RUNX3: variants seen among roughly 807,000 people sequenced by gnomAD.
RUNX3 encodes runt-related transcription factor 3.
RUNX3 carries 10 observed loss-of-function variants against 27.7 expected under a neutral mutation model. That is an observed-to-expected ratio of 0.36 (90% CI 0.22 to 0.61). The LOEUF (loss-of-function observed/expected upper bound fraction) is 0.61. Ranked by LOEUF, RUNX3 falls within the 20% of genes least tolerant of loss-of-function variation. The pLI is 0.72. For synonymous variants in RUNX3, 270 were observed against 269.2 expected (o/e 1.00, Z -0.03); for missense variants, 469 against 629.5 (o/e 0.75, Z 2.73).
chr1:24,928,042 T>C (rs983181555), intron 1 of RUNX3, among the ~76,000 whole-genome samples: 1 of 152,264 alleles, frequency 6.6e-6, no homozygotes, highest in Non-Finnish European at 1.5e-5. Context: ...GTCACTATGA[T>C]GTGGGGTGCA....
rs188138227 is a variant in RUNX3 at position 24,923,445 on chromosome 1, G to T, written c.440-4101C>A. ...GATATAACTCTGTGCAGGAGTCCCA[G>T]GCAAACCTGCAATCCATCAGGAGCC... On this transcript the variant is annotated intron_variant, in intron 2 of 4. Coordinates refer to ENST00000308873, the MANE Select transcript of RUNX3 (RefSeq NM_004350.3). The surrounding 1 kb of genome is among the most constrained non-coding windows in gnomAD (Gnocchi z 5.9). Among the ~76,000 whole-genome samples the T allele has an allele frequency of 3.3e-5, 5 of 152,274 alleles. No individual in the cohort carries two copies. The highest frequency in any genetic ancestry group is 1.2e-4 in the African/African-American group (5 of 41,526).
rs767965314 is a variant in RUNX3 at position 24,929,434 on chromosome 1, C to T, written c.282+153G>A. 8.8e-5 allele frequency: 70 copies of T among 791,482 alleles called. 1 individual carries two copies. In the East Asian group the frequency reaches 1.7e-3, roughly 19 times the overall value. 49.0% of individuals were successfully genotyped at this position (791,482 alleles called of 1,614,324 possible). On this transcript the variant is annotated intron_variant, in intron 1 of 4. Transcript: ENST00000308873. ...AAAACGGAACGCCGAGGTCCCGGAGCCGAGCGCGCAGCCAGACTGAACCGG... is the reference window on the plus strand; with the variant it reads ...AAAACGGAACGCCGAGGTCCCGGAGTCGAGCGCGCAGCCAGACTGAACCGG...
At chr1:24,955,220 A>G (rs942725141) in intron 2 of RUNX3, among the ~76,000 whole-genome samples, 6 of 152,176 alleles carry the variant, frequency 3.9e-5, no homozygotes, top group African/African-American at 9.7e-5. Flanking sequence ...CTGTGGTTGC[A>G]TAGAGGAGGA....
At chr1:24,945,834 A>T (rs1207441221) in intron 2 of RUNX3, among the ~76,000 whole-genome samples, 1 of 152,040 alleles carries the variant, frequency 6.6e-6, no homozygotes, top group Non-Finnish European at 1.5e-5. Flanking sequence ...TCTTTGTGAG[A>T]CCATCTCTAA....
chr1:24,927,863 G>A lies in RUNX3; in HGVS notation c.283-133C>T, dbSNP rs1021554583. 8.4e-6 allele frequency: 6 copies of A among 713,342 alleles called. No homozygotes were observed. Among genetic ancestry groups the A allele is most frequent in the African/African-American group, 7.1e-5 (4 of 56,530 alleles). The allele number at this position is 713,342 out of a possible 1,614,324, so 44.2% of individuals were successfully genotyped here. A position where few individuals can be genotyped will look rare whatever the true frequency, so the allele number is the denominator to read the frequency against. On this transcript the variant is annotated intron_variant, in intron 1 of 4. Coordinates refer to ENST00000308873, the MANE Select transcript of RUNX3 (RefSeq NM_004350.3). This position sits in a 1 kb window ranked among gnomAD's most constrained non-coding sequence, Gnocchi z 5.0. The stretch of plus-strand genomic sequence containing the variant: ...ACACTGAGTATTTCTCCAATGCAGG[G>A]TGGAGAAGAGGCTTAAAAACAATAA...
Position 24,930,135 on chromosome 1 carries a change from C to A in RUNX3, c.-267G>T, listed in dbSNP as rs1284143723. On this transcript the variant is annotated 5_prime_UTR_variant, in exon 1 of 5. Transcript: ENST00000308873. The surrounding 1 kb of genome is among the most constrained non-coding windows in gnomAD (Gnocchi z 4.1). ...CGCGGCCCCGCGTGCGGCCGCCCCT[C>A]GTGGCTGTCCCGGCTGCCTGGGCCG... The A allele has an allele frequency of 1.0e-6, 1 of 976,448 alleles. No homozygotes were observed. The highest frequency in any genetic ancestry group is 1.2e-6 in the Non-Finnish European group (1 of 826,798). 60.5% of individuals were successfully genotyped at this position (976,448 alleles called of 1,614,324 possible). A position where few individuals can be genotyped will look rare whatever the true frequency, so the allele number is the denominator to read the frequency against.
chr1:24,931,977 G>T (rs1228369687), upstream of RUNX3, among the ~76,000 whole-genome samples: 1 of 152,256 alleles, frequency 6.6e-6, no homozygotes, highest in Non-Finnish European at 1.5e-5. Flanking sequence ...CAGCCTGGGC[G>T]CTCCCACCTC....
At chr1:24,934,699 C>G (rs1641308791), upstream of RUNX3, among the ~76,000 whole-genome samples, 1 of 152,160 alleles carries the variant, frequency 6.6e-6, no homozygotes, top group African/African-American at 2.4e-5. Flanking sequence ...GAGGGCCAGA[C>G]CCGGGTTAAA....
chr1:24,937,421 C>T (rs771398852), intron 2 of RUNX3, among the ~76,000 whole-genome samples: 1 of 152,252 alleles, frequency 6.6e-6, no homozygotes, highest in Non-Finnish European at 1.5e-5. Context: ...TCTCTCCTGG[C>T]CCCTGCCATG....
rs1641126712 is a variant in RUNX3 at position 24,927,717 on chromosome 1, C to T, written c.296G>A (p.Gly99Glu). 3 of 1,613,912 alleles carry T rather than the reference C, an allele frequency of 1.9e-6. No homozygotes were observed. Among genetic ancestry groups the T allele is most frequent in the Non-Finnish European group, 2.5e-6 (3 of 1,180,018 alleles). ...LPVAFKVVAL[G>E]DVPDGTVVTV... ...CACCACCGTACCATCCGGCACGTCC[C>T]CCAATGCCACCACCTGAAGACACGG... is the stretch of plus-strand genomic sequence containing the variant. Residue 99 changes from glycine to glutamate, a missense_variant, in exon 2 of 5, where the codon GGG becomes GAG. Gly to Glu is a moderately conservative substitution (Grantham distance 98). Around this residue, in one of 3 missense-constraint regions of RUNX3, gnomAD observed 75 missense variants for 168.5 expected, o/e 0.45. Transcript: ENST00000308873. This position sits in a 1 kb window ranked among gnomAD's most constrained non-coding sequence, Gnocchi z 5.0.
Position 24,902,189 on chromosome 1 carries a change from T to C in RUNX3, c.1181A>G (p.His394Arg), listed in dbSNP as rs1404279918. 1 of 1,569,950 alleles carries C rather than the reference T, an allele frequency of 6.4e-7. No homozygotes were observed. Among genetic ancestry groups the C allele is most frequent in the Non-Finnish European group, 8.6e-7 (1 of 1,159,476 alleles). Residue 394 changes from histidine to arginine, a missense_variant, in exon 5 of 5, where the codon CAC (histidine) becomes CGC (arginine). Transcript: ENST00000308873. The surrounding 1 kb of genome is among the most constrained non-coding windows in gnomAD (Gnocchi z 9.2). Reference sequence around the variant, plus strand: ...GCTCAGGGCCGTGGGTGAGTTGCTGTGGCTGCCGTCGGCCTCCACGCCATC... The same window carrying C: ...GCTCAGGGCCGTGGGTGAGTTGCTGCGGCTGCCGTCGGCCTCCACGCCATC... Reference protein sequence around the residue: ...QSDGVEADGSHSNSPTALSTP... With the variant: ...QSDGVEADGSRSNSPTALSTP...
In RUNX3 at chr1:24,902,834, A is replaced by C. The variant is rs1640587821; in HGVS notation, c.704-168T>G. ...GCTGCCCGGGGCCTCCCCCGCCAGG[A>C]CTCCGAACACAGACCTGCCGGGAAG... On this transcript the variant is annotated intron_variant, in intron 4 of 4. Transcript: ENST00000308873. The surrounding 1 kb of genome is among the most constrained non-coding windows in gnomAD (Gnocchi z 9.2). Among the ~76,000 whole-genome samples the C allele has an allele frequency of 6.6e-6, 1 of 151,934 alleles. No homozygotes were observed. The highest frequency in any genetic ancestry group is 1.5e-5 in the Non-Finnish European group (1 of 67,974).
In RUNX3 at chr1:24,923,778, G is replaced by T. The variant is rs912673659; in HGVS notation, c.439+3796C>A. ...CCATTCATCTCTCCCCCAACCAGCG[G>T]TTCCCCTCAGCCTGCACCGGCACAC... On this transcript the variant is annotated intron_variant, in intron 2 of 4. Transcript: ENST00000308873. The surrounding 1 kb of genome is among the most constrained non-coding windows in gnomAD (Gnocchi z 5.9). Among the ~76,000 whole-genome samples, 14 of 152,160 alleles carry T rather than the reference G, an allele frequency of 9.2e-5. No homozygotes were observed. The highest frequency in any genetic ancestry group is 6.5e-4 in the Admixed American group (10 of 15,270).
upstream of RUNX3, among the ~76,000 whole-genome samples, chr1:24,930,760 C>G (rs911177689): frequency 6.6e-6 from 1 of 152,216 alleles, no homozygotes; most frequent in Non-Finnish European, 1.5e-5. This position sits in a 1 kb window ranked among gnomAD's most constrained non-coding sequence, Gnocchi z 4.1. Flanking sequence ...TTACTCACCT[C>G]CCTCGTCCCG....
chr1:24,953,428 T>C (rs1288862928), intron 2 of RUNX3, among the ~76,000 whole-genome samples: 1 of 126,214 alleles, frequency 7.9e-6, no homozygotes, highest in Non-Finnish European at 1.7e-5. Flanking sequence ...CAGATCTGCA[T>C]AGCCCTACAA....
chr1:24,934,519 G>A (rs898829483), upstream of RUNX3, among the ~76,000 whole-genome samples: 19 of 152,310 alleles, frequency 1.2e-4, no homozygotes, highest in South Asian at 6.2e-4. Context: ...CTTGGTCCCC[G>A]AGGGTAAAAT....
In RUNX3 at chr1:24,904,644, G is replaced by A. The variant is rs905553564; in HGVS notation, c.704-1978C>T. Among the ~76,000 whole-genome samples, 3 of 152,158 alleles carry A rather than the reference G, an allele frequency of 2.0e-5. No individual in the cohort carries two copies. Among genetic ancestry groups the A allele is most frequent in the Admixed American group, 6.5e-5 (1 of 15,288 alleles). On this transcript the variant is annotated intron_variant, in intron 4 of 4. Transcript: ENST00000308873. The surrounding 1 kb of genome is among the most constrained non-coding windows in gnomAD (Gnocchi z 5.7). ...CTGATGGGAACCCCATTCTCAAGAC[G>A]AAGGAAACAAATGGGGACCGCAGGA... is the stretch of plus-strand genomic sequence containing the variant.
intron 2 of RUNX3, among the ~76,000 whole-genome samples, chr1:24,941,130 T>C (rs1163380149): frequency 6.6e-6 from 1 of 152,166 alleles, no homozygotes; most frequent in Non-Finnish European, 1.5e-5. Context: ...ACACTCTCAG[T>C]TGAATCTCTG....
chr1:24,958,482 A>G (rs553303274), intron 2 of RUNX3, among the ~76,000 whole-genome samples: 1 of 152,300 alleles, frequency 6.6e-6, no homozygotes, highest in South Asian at 2.1e-4. Flanking sequence ...GGGCTCTGAT[A>G]TGCTCCTGGA....
Sources: gnomAD v4.1 joint callset for allele counts (sites outside exome capture counted in the v4.1 genomes callset) on GRCh38, gnomAD v4.1.1 for gene constraint, gnomAD v4.1.1 regional missense constraint, Gnocchi (gnomAD v3.1) non-coding constraint, MANE v1.5 for transcripts, NCBI Gene and HGNC (gene_info 2026-07-23, HGNC 2026-07-21) for gene names.